Variants in MAML3 observed in about 807,000 individuals in gnomAD.
The protein encoded by MAML3 is mastermind like transcriptional coactivator 3.
MAML3 carries 27 observed loss-of-function variants against 101.9 expected under a neutral mutation model. That is an observed-to-expected ratio of 0.27 (90% CI 0.20 to 0.37). The LOEUF is 0.37. MAML3 is among the 10% of genes least tolerant of loss of function. MAML3 has a pLI of 1.00. For missense variants in MAML3, 1,316 were observed against 1,444.9 expected, an observed-to-expected ratio of 0.91 and a Z score of 1.45; for synonymous variants, 501 against 555.9, an observed-to-expected ratio of 0.90 and a Z score of 1.39.
chr4:140,094,344 T>C (rs1454768166), intron 1 of MAML3, among the ~76,000 whole-genome samples: 1 of 152,224 alleles, frequency 6.6e-6, no homozygotes, highest in Non-Finnish European at 1.5e-5. Context: ...CCTCCGGCTA[T>C]ATGCTCCCCA....
chr4:140,100,058 C>T (rs750219645), intron 1 of MAML3, among the ~76,000 whole-genome samples: 2 of 151,922 alleles, frequency 1.3e-5, no homozygotes, highest in African/African-American at 2.4e-5. Flanking sequence ...CTTGAACGAC[C>T]GCAGCCCCCA....
At chr4:139,850,742 C>T (rs1172653810) in intron 2 of MAML3, among the ~76,000 whole-genome samples, 1 of 151,970 alleles carries the variant, frequency 6.6e-6, no homozygotes, top group Admixed American at 6.6e-5. Context: ...GGGCGTTTCA[C>T]CATGTTACTG....
intron 1 of MAML3, among the ~76,000 whole-genome samples, chr4:140,054,385 GAAAAGAAAAGAA>G (rs1414356222): frequency 6.9e-6 from 1 of 145,984 alleles, no homozygotes; most frequent in Non-Finnish European, 1.5e-5. Context: ...AAAAAAAAAA[GAAAAGAAAAGAA>G]AAAAGAAAAA....
At chr4:139,969,824 T>C (rs903019169) in intron 1 of MAML3, among the ~76,000 whole-genome samples, 1 of 152,132 alleles carries the variant, frequency 6.6e-6, no homozygotes, top group Non-Finnish European at 1.5e-5. Flanking sequence ...GCCCTGACTA[T>C]ACCGGCGATT....
intron 2 of MAML3, among the ~76,000 whole-genome samples, chr4:139,796,766 T>C (rs1426566461): frequency 6.6e-6 from 1 of 152,172 alleles, no homozygotes; most frequent in Non-Finnish European, 1.5e-5. Context: ...GGTTACAATA[T>C]ATATGCTTTA....
chr4:140,075,705 T>C (rs1256540798), intron 1 of MAML3, among the ~76,000 whole-genome samples: 1 of 151,886 alleles, frequency 6.6e-6, no homozygotes, highest in Admixed American at 6.6e-5. Context: ...ACTGGCCAAT[T>C]TCAAATTTTT....
chr4:139,992,086 C>G (rs1734689914), intron 1 of MAML3, among the ~76,000 whole-genome samples: 1 of 152,182 alleles, frequency 6.6e-6, no homozygotes, highest in Non-Finnish European at 1.5e-5. Context: ...CTAGACATTT[C>G]ACACAATTGG....
chr4:140,064,118 A>C (rs1265844404), intron 1 of MAML3, among the ~76,000 whole-genome samples: 1 of 152,158 alleles, frequency 6.6e-6, no homozygotes, highest in Non-Finnish European at 1.5e-5. Context: ...ATCAGACGTA[A>C]ACTTTGTATT....
At chr4:140,084,316 A>G (rs1051239678) in intron 1 of MAML3, among the ~76,000 whole-genome samples, 3 of 152,166 alleles carry the variant, frequency 2.0e-5, no homozygotes, top group Non-Finnish European at 4.4e-5. Context: ...AATCACTTAA[A>G]TATTTTATTT....
intron 1 of MAML3, among the ~76,000 whole-genome samples, chr4:139,967,265 A>G (rs1403248243): frequency 6.6e-6 from 1 of 152,148 alleles, no homozygotes; most frequent in African/African-American, 2.4e-5. Context: ...CCCCCTCAAA[A>G]TTCACAGCTC....
intron 2 of MAML3, among the ~76,000 whole-genome samples, chr4:139,750,666 A>G (rs1004267592): frequency 2.6e-5 from 4 of 152,184 alleles, no homozygotes; most frequent in African/African-American, 4.8e-5. Flanking sequence ...AAAAATATAA[A>G]TTTAAAGAGG....
In MAML3 at chr4:139,904,805, T is replaced by C. The variant is rs957392418; in HGVS notation, c.469-13838A>G. Among the ~76,000 whole-genome samples, 7 of 152,374 alleles carry C rather than the reference T, an allele frequency of 4.6e-5. No homozygotes were observed. In the South Asian group the frequency reaches 1.4e-3, roughly 32 times the overall value. ...ATCCTATTACACACCTGGGGTCTATTGCTGCTAGGCTACAAACCTGTACAG... is the reference window on the plus strand; with the variant it reads ...ATCCTATTACACACCTGGGGTCTATCGCTGCTAGGCTACAAACCTGTACAG... On this transcript the variant is annotated intron_variant, in intron 1 of 4. Transcript: ENST00000509479.
chr4:139,968,050 G>A (rs1175163474), intron 1 of MAML3, among the ~76,000 whole-genome samples: 2 of 151,798 alleles, frequency 1.3e-5, no homozygotes, highest in Non-Finnish European at 1.5e-5. Flanking sequence ...AGGCCAAGGC[G>A]GGTAGATTAC....
In MAML3 at chr4:139,918,318, T is replaced by C. The variant is rs1042333587; in HGVS notation, c.469-27351A>G. Among the ~76,000 whole-genome samples, 4 of 152,140 alleles carry C rather than the reference T, an allele frequency of 2.6e-5. 1 individual carries two copies. Among genetic ancestry groups the C allele is most frequent in the Admixed American group, 2.0e-4 (3 of 15,280 alleles). ...GGTCTGGTGTCTCCCAGCTCCTTCATACCCTTCTCCCCTTCACCACCACAC... is the reference window on the plus strand; with the variant it reads ...GGTCTGGTGTCTCCCAGCTCCTTCACACCCTTCTCCCCTTCACCACCACAC... On this transcript the variant is annotated intron_variant, in intron 1 of 4. Coordinates refer to ENST00000509479, the MANE Select transcript of MAML3 (RefSeq NM_018717.5).
At chr4:140,001,394 T>C (rs1734920649) in intron 1 of MAML3, among the ~76,000 whole-genome samples, 1 of 152,180 alleles carries the variant, frequency 6.6e-6, no homozygotes, top group Non-Finnish European at 1.5e-5. Flanking sequence ...ATAATTCCAG[T>C]AAAAGAAGAG....
In MAML3 at chr4:140,021,188, C is replaced by T. The variant is rs76645975; in HGVS notation, c.469-130221G>A. ...CAAATATGTGTGTTATTTAGGAGAA[C>T]GGGCTCTGGAGTTACACTTGCAAGC... On this transcript the variant is annotated intron_variant, in intron 1 of 4. Coordinates refer to ENST00000509479, the MANE Select transcript of MAML3 (RefSeq NM_018717.5). Among the ~76,000 whole-genome samples, 114 of 152,280 alleles carry T rather than the reference C, an allele frequency of 7.5e-4. 1 individual carries two copies. The highest frequency in any genetic ancestry group is 2.5e-3 in the African/African-American group (103 of 41,554).
rs1578636948 is a variant in MAML3 at position 139,864,695 on chromosome 4, A to AAAAAG, written c.2079+24657_2079+24661dup. On this transcript the variant is annotated intron_variant, in intron 2 of 4. Coordinates refer to ENST00000509479, the MANE Select transcript of MAML3 (RefSeq NM_018717.5). Reference sequence around the variant, plus strand: ...GTCTCAAAAAAAAAAAAAAAAAAAAAAAAAGAAAAAGAAATCTTGAATGAT... The same window carrying AAAAAG: ...GTCTCAAAAAAAAAAAAAAAAAAAAAAAAAGAAAAGAAAAAGAAATCTTGAATGAT... 1.3e-4 allele frequency among the ~76,000 whole-genome samples: 19 copies of AAAAAG among 149,442 alleles called. No individual in the cohort carries two copies. The East Asian group carries it at 2.7e-3, about 21-fold the overall frequency.
At chr4:139,847,750 G>A (rs1390488990) in intron 2 of MAML3, among the ~76,000 whole-genome samples, 1 of 152,210 alleles carries the variant, frequency 6.6e-6, no homozygotes, top group Non-Finnish European at 1.5e-5. Context: ...TGAATACACT[G>A]CTGCTTCTAT....
At chr4:139,987,865 CAA>C (rs1215758962) in intron 1 of MAML3, among the ~76,000 whole-genome samples, 2 of 150,742 alleles carry the variant, frequency 1.3e-5, no homozygotes, top group African/African-American at 4.9e-5. Context: ...ACTAAAAATA[CAA>C]AAAAATTAGC....
Sources: allele counts gnomAD v4.1 joint callset (sites outside exome capture counted in the v4.1 genomes callset), GRCh38; gene constraint gnomAD v4.1.1; transcripts MANE v1.5; gene names NCBI Gene and HGNC (gene_info 2026-07-23, HGNC 2026-07-21).